Variants in IFT43 observed in about 807,000 individuals in gnomAD.
IFT43 encodes intraflagellar transport protein 43 homolog.
In IFT43, 33 loss-of-function variants were observed where a neutral mutation model predicts 32.3. The observed-to-expected ratio is 1.02, with a 90% confidence interval of 0.77 to 1.37. The LOEUF is 1.37. Ranked by LOEUF, IFT43 falls within the 40% of genes most tolerant of loss-of-function variation. The pLI is 0.00. For missense variants in IFT43, 274 were observed against 265.9 expected (o/e 1.03, Z -0.21); for synonymous variants, 93 against 98.2 (o/e 0.95, Z 0.31).
chr14:76,083,699 C>A lies in IFT43; in HGVS notation c.*122C>A. ...ATAAAAATATTTATATTCAGTCAAC[C>A]ACATTGGATAATTCAATTGCAATAA... On this transcript the variant is annotated 3_prime_UTR_variant, in exon 9 of 9. Transcript: ENST00000314067. The A allele has an allele frequency of 1.1e-6, 1 of 921,368 alleles. No individual in the cohort carries two copies. The highest frequency in any genetic ancestry group is 1.7e-6 in the Non-Finnish European group (1 of 588,992). The allele number at this position is 921,368 out of a possible 1,614,324, so 57.1% of individuals were successfully genotyped here.
chr14:76,034,078 G>A (rs760270224), intron 3 of IFT43, among the ~76,000 whole-genome samples: 38 of 152,294 alleles, frequency 2.5e-4, no homozygotes, highest in South Asian at 6.2e-4. Flanking sequence ...GGAAAATAGC[G>A]TATTCACCTT....
intron 3 of IFT43, among the ~76,000 whole-genome samples, chr14:76,044,309 G>A (rs1340661052): frequency 6.6e-6 from 1 of 152,086 alleles, no homozygotes; most frequent in Admixed American, 6.5e-5. Context: ...CAAAGTGTCG[G>A]GATTACAGGC....
chr14:76,083,545 G>A lies in IFT43; in HGVS notation c.595G>A (p.Glu199Lys). ...GTGGGACCCACTGCAGACGGAGAAG[G>A]AGGACCCTGCGGGGCAGGCCAGGCA... ...TEWDPLQTEK[E>K]DPAGQARHT The change falls in exon 9 of 9, where the codon GAG becomes AAG. Residue 199 changes from glutamate (E) to lysine (K), a missense_variant. Glu to Lys is a moderately conservative substitution (Grantham distance 56). Coordinates refer to ENST00000314067, the MANE Select transcript of IFT43 (RefSeq NM_001102564.3). 1.2e-6 allele frequency: 2 copies of A among 1,614,158 alleles called. No individual in the cohort carries two copies. Among genetic ancestry groups the A allele is most frequent in the Non-Finnish European group, 8.5e-7 (1 of 1,180,036 alleles).
At chr14:76,048,034 A>C (rs150316634) in intron 3 of IFT43, among the ~76,000 whole-genome samples, 27 of 152,206 alleles carry the variant, frequency 1.8e-4, no homozygotes, top group Non-Finnish European at 3.8e-4. Context: ...AGAATCTTAG[A>C]GTTAGAAAGG....
intron 4 of IFT43, chr14:76,059,064 C>G: frequency 2.6e-5 from 37 of 1,426,664 alleles, no homozygotes; most frequent in Non-Finnish European, 3.4e-5. Flanking sequence ...TAGGGCCACC[C>G]AGTTTCCTAC....
intron 1 of IFT43, 27 bp from the exon 2 acceptor site, chr14:75,988,858 A>G (rs760295093): frequency 4.3e-6 from 7 of 1,613,542 alleles, no homozygotes; most frequent in Non-Finnish European, 5.9e-6. Flanking sequence ...CATTTGGGTC[A>G]GCAGTGCCTT....
chr14:76,069,036 A>G (rs1285314556), intron 5 of IFT43, among the ~76,000 whole-genome samples: 1 of 152,164 alleles, frequency 6.6e-6, no homozygotes, highest in Non-Finnish European at 1.5e-5. Flanking sequence ...GAAATACCTG[A>G]GACTGGGCAA....
At chr14:76,039,620 T>C (rs545966569) in intron 3 of IFT43, among the ~76,000 whole-genome samples, 1 of 152,326 alleles carries the variant, frequency 6.6e-6, no homozygotes, top group South Asian at 2.1e-4. Context: ...CGTGTCTTCT[T>C]TTGAGACATT....
chr14:76,079,855 A>C (rs2037476756), intron 5 of IFT43, among the ~76,000 whole-genome samples: 1 of 151,994 alleles, frequency 6.6e-6, no homozygotes, highest in African/African-American at 2.4e-5. Flanking sequence ...ATCACTGCTC[A>C]TAGGTAATTT....
intron 3 of IFT43, among the ~76,000 whole-genome samples, chr14:76,035,612 A>G (rs1387835962): frequency 6.6e-6 from 1 of 152,256 alleles, no homozygotes; most frequent in East Asian, 1.9e-4. Context: ...GCAAAAACTC[A>G]TGGAGCCAGA....
intron 3 of IFT43, among the ~76,000 whole-genome samples, chr14:76,040,466 G>T (rs542745457): frequency 1.3e-5 from 2 of 152,300 alleles, no homozygotes; most frequent in African/African-American, 4.8e-5. Context: ...GAGGTATGAA[G>T]GTGCATCAGC....
chr14:76,056,757 A>G (rs1394361247), intron 3 of IFT43, among the ~76,000 whole-genome samples: 1 of 152,178 alleles, frequency 6.6e-6, no homozygotes, highest in Non-Finnish European at 1.5e-5. Context: ...CATGAGGACA[A>G]TTAGAGGCAT....
rs11849153 is a variant in IFT43 at position 76,068,225 on chromosome 14, A to G, written c.295+8852A>G. Reference sequence around the variant, plus strand: ...TGTGCTGGGTCCTGAAGGATGGATAAGAGTTGGCTAGCTAGAGAAGAATGT... The same window carrying G: ...TGTGCTGGGTCCTGAAGGATGGATAGGAGTTGGCTAGCTAGAGAAGAATGT... On this transcript the variant is annotated intron_variant, in intron 5 of 8. Transcript: ENST00000314067. 9.9e-3 allele frequency among the ~76,000 whole-genome samples: 1,515 copies of G among 152,318 alleles called. 25 individuals carry two copies. The highest frequency in any genetic ancestry group is 0.034 in the African/African-American group (1,417 of 41,574).
At chr14:76,065,468 G>GA (rs972006252) in intron 5 of IFT43, among the ~76,000 whole-genome samples, 1 of 152,188 alleles carries the variant, frequency 6.6e-6, no homozygotes, top group Non-Finnish European at 1.5e-5. Context: ...CCATCACCCA[G>GA]AAGTTCCTCC....
intron 5 of IFT43, among the ~76,000 whole-genome samples, chr14:76,059,946 G>A (rs975468652): frequency 1.3e-5 from 2 of 152,138 alleles, no homozygotes; most frequent in Non-Finnish European, 2.9e-5. Context: ...ACTCTTTGTT[G>A]GCTTGATTGT....
intron 2 of IFT43, among the ~76,000 whole-genome samples, chr14:76,007,731 G>A (rs2036006300): frequency 6.6e-6 from 1 of 152,182 alleles, no homozygotes; most frequent in African/African-American, 2.4e-5. Context: ...TATGATGAAT[G>A]TTGAAAAGAA....
chr14:75,999,266 T>TTC (rs2035829103), intron 2 of IFT43, among the ~76,000 whole-genome samples: 17 of 25,256 alleles, frequency 6.7e-4, no homozygotes, highest in Admixed American at 1.6e-3. Context: ...TATATATATA[T>TTC]ATATATGTAT....
At chr14:76,029,610 GT>G (rs1202398561) in intron 3 of IFT43, among the ~76,000 whole-genome samples, 1 of 151,990 alleles carries the variant, frequency 6.6e-6, no homozygotes, top group Admixed American at 6.5e-5. Flanking sequence ...CATTTAAGTC[GT>G]TGATCCATCT....
chr14:75,989,004 G>A (rs759114900), intron 2 of IFT43, 27 bp downstream of exon 2: 1 of 1,612,510 alleles, frequency 6.2e-7, no homozygotes. Flanking sequence ...AAGAAAATCT[G>A]AAGAAATACT....
Sources: allele counts gnomAD v4.1 joint callset (sites outside exome capture counted in the v4.1 genomes callset), GRCh38; gene constraint gnomAD v4.1.1; transcripts MANE v1.5; gene names NCBI Gene and HGNC (gene_info 2026-07-23, HGNC 2026-07-21).